GNAT3: variants seen among roughly 807,000 people sequenced by gnomAD.
GNAT3 encodes the protein guanine nucleotide-binding protein G(t) subunit alpha-3.
Under a neutral mutation model 37.7 loss-of-function variants are expected in GNAT3, and 31 were observed. The ratio of observed to expected loss-of-function variants is 0.82; its 90% CI spans 0.62 to 1.11. The LOEUF (loss-of-function observed/expected upper bound fraction) is 1.11. GNAT3 is among the 50% of genes most tolerant of loss of function. GNAT3 has a pLI of 0.00. For missense variants in GNAT3, 437 were observed against 412.5 expected, an observed-to-expected ratio of 1.06 and a Z score of -0.51; for synonymous variants, 138 against 139.8, an observed-to-expected ratio of 0.99 and a Z score of 0.09.
chr7:80,487,631 T>C (rs1277146045), intron 3 of GNAT3: 1 of 152,184 alleles, frequency 6.6e-6, no homozygotes. Flanking sequence ...TTCAAATGAC[T>C]CCTCTTTCTT....
intron 7 of GNAT3, among the ~76,000 whole-genome samples, chr7:80,461,157 A>G (rs1447908359): frequency 6.6e-6 from 1 of 152,050 alleles, no homozygotes; most frequent in Non-Finnish European, 1.5e-5. Context: ...TAGGTTGACC[A>G]ATGTAAGTAT....
At chr7:80,464,459 A>T (rs1194664571) in intron 5 of GNAT3, among the ~76,000 whole-genome samples, 10 of 152,252 alleles carry the variant, frequency 6.6e-5, no homozygotes, top group African/African-American at 2.4e-4. Context: ...TTCATGTTAC[A>T]TGAGAAATGT....
chr7:80,490,032 T>C (rs1002853824), intron 2 of GNAT3, among the ~76,000 whole-genome samples: 2 of 152,148 alleles, frequency 1.3e-5, no homozygotes, highest in Non-Finnish European at 2.9e-5. Flanking sequence ...GAGATGCATA[T>C]ATAAATTTCA....
intron 5 of GNAT3, among the ~76,000 whole-genome samples, chr7:80,464,622 TG>T (rs990396458): frequency 5.3e-5 from 8 of 152,068 alleles, no homozygotes; most frequent in African/African-American, 1.9e-4. Flanking sequence ...AAATAAAGTA[TG>T]GGGCTATCAT....
At chr7:80,502,506 A>T (rs1187814659) in intron 1 of GNAT3, among the ~76,000 whole-genome samples, 1 of 152,102 alleles carries the variant, frequency 6.6e-6, no homozygotes, top group Non-Finnish European at 1.5e-5. Flanking sequence ...ATTTTTTAGT[A>T]TAAATACATA....
chr7:80,509,236 A>G (rs1236675727), intron 1 of GNAT3, among the ~76,000 whole-genome samples: 1 of 152,114 alleles, frequency 6.6e-6, no homozygotes, highest in Non-Finnish European at 1.5e-5. Context: ...ATGAGAATGA[A>G]GTAGAGCTGT....
At chr7:80,482,647 G>A (rs1790410815) in intron 3 of GNAT3, among the ~76,000 whole-genome samples, 1 of 149,654 alleles carries the variant, frequency 6.7e-6, no homozygotes, top group African/African-American at 2.5e-5. Flanking sequence ...CCAAGTAGCT[G>A]AGACTACAGG....
At chr7:80,475,416 G>T (rs989194248) in intron 4 of GNAT3, among the ~76,000 whole-genome samples, 1 of 150,642 alleles carries the variant, frequency 6.6e-6, no homozygotes, top group Non-Finnish European at 1.5e-5. Flanking sequence ...AAAACCACTG[G>T]TCTAGACTTT....
intron 4 of GNAT3, among the ~76,000 whole-genome samples, chr7:80,477,787 C>T (rs998028360): frequency 8.5e-5 from 13 of 152,244 alleles, no homozygotes; most frequent in African/African-American, 2.9e-4. Flanking sequence ...ACTATATTTA[C>T]ACTTTTTCAC....
intron 1 of GNAT3, among the ~76,000 whole-genome samples, chr7:80,501,840 T>A (rs570599296): frequency 6.6e-6 from 1 of 152,002 alleles, no homozygotes; most frequent in African/African-American, 2.4e-5. Flanking sequence ...TCAGATATAC[T>A]TATATGACTA....
At chr7:80,466,614 A>T (rs911480271) in intron 5 of GNAT3, among the ~76,000 whole-genome samples, 1 of 152,062 alleles carries the variant, frequency 6.6e-6, no homozygotes, top group East Asian at 1.9e-4. Context: ...TGTGGGTTCT[A>T]TGGGGGACAT....
At chr7:80,471,261 A>G (rs185357871) in intron 5 of GNAT3, among the ~76,000 whole-genome samples, 289 of 150,542 alleles carry the variant, frequency 1.9e-3, no homozygotes, top group Non-Finnish European at 3.3e-3. Flanking sequence ...ACCCAGATTA[A>G]GGATGGGTCT....
chr7:80,461,879 A>G (rs572633950), intron 7 of GNAT3, among the ~76,000 whole-genome samples: 1 of 152,314 alleles, frequency 6.6e-6, no homozygotes, highest in South Asian at 2.1e-4. Context: ...AATTTTGAAG[A>G]CAATTCAGGT....
chr7:80,465,106 G>T (rs1370248668), intron 5 of GNAT3, among the ~76,000 whole-genome samples: 1 of 152,060 alleles, frequency 6.6e-6, no homozygotes, highest in African/African-American at 2.4e-5. Context: ...CAGAAACAAG[G>T]ATGATAAATA....
At position 80,503,524 on chromosome 7, in the gene GNAT3, CAG is replaced by C. The variant is rs1584198075; in HGVS notation, c.118+8283_118+8284del. ...ATTTTCTCATAGATTAAAGCAATAA[CAG>C]AAGCAGTAAAGAGAAAAATATGAGA... On this transcript the variant is annotated intron_variant, in intron 1 of 7. Transcript: ENST00000398291. Among the ~76,000 whole-genome samples the C allele has an allele frequency of 2.0e-5, 3 of 152,044 alleles. No homozygotes were observed. In the East Asian group the frequency reaches 5.8e-4, roughly 29 times the overall value.
At chr7:80,479,614 G>T (rs1790358068) in intron 3 of GNAT3, among the ~76,000 whole-genome samples, 1 of 151,326 alleles carries the variant, frequency 6.6e-6, no homozygotes, top group Non-Finnish European at 1.5e-5. Context: ...GGGAGGCTGA[G>T]GTGGGAGAAT....
Position 80,494,610 on chromosome 7 carries a change from T to C in GNAT3, c.156A>G (p.Gln52=). 1 of 1,518,402 alleles carries C rather than the reference T, an allele frequency of 6.6e-7. No homozygotes were observed. Among genetic ancestry groups the C allele is most frequent in the Non-Finnish European group, 9.0e-7 (1 of 1,107,838 alleles). The allele number at this position is 1,518,402 out of a possible 1,614,324, so 94.1% of individuals were successfully genotyped here. ...TGAGACAGATGTATACCTACTTCAT[T>C]TGTTTAACAATAGTACTTTTCCCAG... is the stretch of plus-strand genomic sequence containing the variant. ...GESGKSTIVK[Q]MKIIHKNGYS... Residue 52 remains glutamine, a synonymous_variant, in exon 2 of 8, where the codon CAA becomes CAG. Coordinates refer to ENST00000398291, the MANE Select transcript of GNAT3 (RefSeq NM_001102386.3).
At chr7:80,509,146 C>G (rs969306237) in intron 1 of GNAT3, among the ~76,000 whole-genome samples, 1 of 152,014 alleles carries the variant, frequency 6.6e-6, no homozygotes, top group East Asian at 1.9e-4. Context: ...TTTAGTTCAA[C>G]TAAGCACTTT....
At chr7:80,488,773 A>G in intron 2 of GNAT3, 97 bp from the exon 3 acceptor site, 4 of 830,596 alleles carry the variant, frequency 4.8e-6, no homozygotes, top group Non-Finnish European at 7.3e-6. Context: ...TACAGTATAT[A>G]TTCATTAAAA....
Sources: gnomAD v4.1 joint callset for allele counts (sites outside exome capture counted in the v4.1 genomes callset) on GRCh38, gnomAD v4.1.1 for gene constraint, MANE v1.5 for transcripts, NCBI Gene and HGNC (gene_info 2026-07-23, HGNC 2026-07-21) for gene names.